NT5C2: variants seen among roughly 807,000 people sequenced by gnomAD.
The protein encoded by NT5C2 is 5'-nucleotidase, cytosolic II, also known as cytosolic purine 5'-nucleotidase.
A neutral mutation model predicts 76.1 loss-of-function variants in NT5C2; 58 were observed. The ratio of observed to expected loss-of-function variants is 0.76; its 90% CI spans 0.62 to 0.95. NT5C2 has a LOEUF of 0.95. Ranked by LOEUF, NT5C2 falls within the 40% of genes least tolerant of loss-of-function variation. The pLI is 0.00. For synonymous variants in NT5C2, 229 were observed against 237.4 expected, an observed-to-expected ratio of 0.96 and a Z score of 0.32; for missense variants, 478 against 690.3, an observed-to-expected ratio of 0.69 and a Z score of 3.45.
rs543256009 is a variant in NT5C2 at position 103,093,191 on chromosome 10, A to G, written c.1107T>C (p.Phe369=). 6.2e-7 allele frequency: 1 copy of G among 1,611,980 alleles called. No individual in the cohort carries two copies. Among genetic ancestry groups the G allele is most frequent in the African/African-American group, 1.3e-5 (1 of 74,978 alleles). Residue 369 remains phenylalanine (F), a synonymous_variant, in exon 15 of 19, where the codon TTT becomes TTC. Coordinates refer to ENST00000404739, the MANE Select transcript of NT5C2 (RefSeq NM_001351169.2). ...KSKKRQGWRT[F]LVIPELAQEL... ...CCTGTGCGAGTTCAGGAATCACCAA[A>G]AAAGTTCGCCACCCTTGCCGTTTCT...
chr10:103,163,385 C>T (rs1429467741), intron 3 of NT5C2, among the ~76,000 whole-genome samples: 1 of 152,192 alleles, frequency 6.6e-6, no homozygotes, highest in East Asian at 1.9e-4. Flanking sequence ...TGCACCCTCT[C>T]TGTTCACGAG....
At chr10:103,097,235 TTC>T (rs1471736347) in intron 11 of NT5C2, 54 bp downstream of exon 11, 4 of 1,289,554 alleles carry the variant, frequency 3.1e-6, no homozygotes, top group Non-Finnish European at 4.4e-6. Flanking sequence ...GTCTTCACAG[TTC>T]TTTAGGCCAA....
chr10:103,100,038 A>T lies in NT5C2; in HGVS notation c.540-19T>A, dbSNP rs779378806. On this transcript the variant is annotated intron_variant, in intron 8 of 18. Coordinates refer to ENST00000404739, the MANE Select transcript of NT5C2 (RefSeq NM_001351169.2). ...TTCACAACTACAGAAAGATAAAAATAACATGACAGGGGATCCAAAACAGGG... is the reference window on the plus strand; with the variant it reads ...TTCACAACTACAGAAAGATAAAAATTACATGACAGGGGATCCAAAACAGGG... 6.5e-7 allele frequency: 1 copy of T among 1,528,934 alleles called. No homozygotes were observed. The highest frequency in any genetic ancestry group is 9.1e-7 in the Non-Finnish European group (1 of 1,104,912). The allele number at this position is 1,528,934 out of a possible 1,614,324, so 94.7% of individuals were successfully genotyped here. A position where few individuals can be genotyped will look rare whatever the true frequency, so the allele number is the denominator to read the frequency against.
intron 4 of NT5C2, among the ~76,000 whole-genome samples, chr10:103,118,442 C>T (rs1353270943): frequency 1.3e-5 from 2 of 151,090 alleles, no homozygotes; most frequent in Non-Finnish European, 2.9e-5. Context: ...CTGCAACCTC[C>T]GCCTCCCAGG....
chr10:103,185,365 G>C (rs2091878756), intron 1 of NT5C2, among the ~76,000 whole-genome samples: 1 of 151,540 alleles, frequency 6.6e-6, no homozygotes, highest in Non-Finnish European at 1.5e-5. Context: ...AATACATAGG[G>C]CAAGGTGCAG....
At chr10:103,162,112 T>C (rs982857956) in intron 3 of NT5C2, among the ~76,000 whole-genome samples, 9 of 152,152 alleles carry the variant, frequency 5.9e-5, no homozygotes, top group African/African-American at 2.2e-4. Flanking sequence ...GCCTCATGGG[T>C]TCAAGTGACT....
In NT5C2 at chr10:103,093,185, C is replaced by T; in HGVS notation, c.1113G>A (p.Val371=). The change falls in exon 15 of 19, where the codon GTG becomes GTA. Residue 371 remains valine, a synonymous_variant. Coordinates refer to ENST00000404739, the MANE Select transcript of NT5C2 (RefSeq NM_001351169.2). ...GTAGCTCCTGTGCGAGTTCAGGAAT[C>T]ACCAAAAAAGTTCGCCACCCTTGCC... The part of the protein sequence containing the change: ...KKRQGWRTFL[V]IPELAQELHV... 6.2e-7 allele frequency: 1 copy of T among 1,611,744 alleles called. No individual in the cohort carries two copies. The highest frequency in any genetic ancestry group is 1.3e-5 in the African/African-American group (1 of 74,960).
chr10:103,161,334 T>C (rs1476499290), intron 3 of NT5C2, among the ~76,000 whole-genome samples: 1 of 151,978 alleles, frequency 6.6e-6, no homozygotes, highest in Non-Finnish European at 1.5e-5. Flanking sequence ...TGCACCACCA[T>C]GCCTGGCTAA....
intron 3 of NT5C2, among the ~76,000 whole-genome samples, chr10:103,156,154 C>A (rs1010565486): frequency 2.4e-4 from 37 of 151,930 alleles, no homozygotes; most frequent in African/African-American, 8.0e-4. Flanking sequence ...GAGTGAGACT[C>A]CATCTCTTGA....
intron 1 of NT5C2, among the ~76,000 whole-genome samples, chr10:103,187,838 T>C (rs1277219632): frequency 6.6e-6 from 1 of 152,168 alleles, no homozygotes; most frequent in Non-Finnish European, 1.5e-5. Flanking sequence ...ATACATGTAC[T>C]ACTCATCTTT....
chr10:103,153,817 A>T (rs974740840), intron 3 of NT5C2: 1 of 953,782 alleles, frequency 1.0e-6, no homozygotes, highest in Non-Finnish European at 1.2e-6. Flanking sequence ...CCTCCCTCAG[A>T]AAATAAACAA....
intron 3 of NT5C2, among the ~76,000 whole-genome samples, chr10:103,171,628 T>C (rs1017332480): frequency 3.3e-5 from 5 of 152,244 alleles, no homozygotes; most frequent in Admixed American, 6.5e-5. Context: ...AAATTCACTT[T>C]AGGTGTAGAT....
intron 3 of NT5C2, chr10:103,146,152 A>C: frequency 1.0e-6 from 1 of 985,400 alleles, no homozygotes; most frequent in South Asian, 4.7e-5. Flanking sequence ...CTTAACTTCA[A>C]GAAGTTTAAC....
chr10:103,149,466 CA>C (rs1397727038), intron 3 of NT5C2, among the ~76,000 whole-genome samples: 1 of 152,076 alleles, frequency 6.6e-6, no homozygotes, highest in Non-Finnish European at 1.5e-5. Flanking sequence ...GGCTGACTAC[CA>C]AATTAGAAAA....
chr10:103,125,034 C>T (rs1294411363), intron 4 of NT5C2: 6 of 228,274 alleles, frequency 2.6e-5, no homozygotes, highest in African/African-American at 4.6e-5. Context: ...AAGAATCCTA[C>T]GATTTTCCCT....
chr10:103,106,989 CT>C (rs1178545094), intron 4 of NT5C2, among the ~76,000 whole-genome samples: 2 of 151,980 alleles, frequency 1.3e-5, no homozygotes, highest in East Asian at 1.9e-4. Context: ...CTATTCCAAA[CT>C]TTTTTTTCCT....
In NT5C2 at chr10:103,181,282, CAGG is replaced by C. The variant is rs1342231864; in HGVS notation, c.-125_-123del. 2.7e-5 allele frequency: 4 copies of C among 150,504 alleles called. No individual in the cohort carries two copies. The East Asian group carries it at 7.8e-4, about 29-fold the overall frequency. 9.3% of individuals were successfully genotyped at this position (150,504 alleles called of 1,614,324 possible). ...CCGAGGCGAATGGATCACTTGACGT[CAGG>C]AGATCACATCACTGTACTCCAGCCT... On this transcript the variant is annotated 5_prime_UTR_variant, in exon 2 of 19. Transcript: ENST00000404739.
intron 4 of NT5C2, among the ~76,000 whole-genome samples, chr10:103,127,851 C>T (rs879584668): frequency 6.6e-6 from 1 of 151,762 alleles, no homozygotes; most frequent in African/African-American, 2.4e-5. Context: ...CCACCGCGCC[C>T]GGCCTACACC....
intron 3 of NT5C2, among the ~76,000 whole-genome samples, chr10:103,150,684 G>A (rs778903869): frequency 1.8e-4 from 28 of 152,190 alleles, no homozygotes; most frequent in Non-Finnish European, 2.6e-4. Context: ...CCATTTTAGT[G>A]TGTGTGCAGT....
Sources: gnomAD v4.1 joint callset for allele counts (sites outside exome capture counted in the v4.1 genomes callset) on GRCh38, gnomAD v4.1.1 for gene constraint, MANE v1.5 for transcripts, NCBI Gene and HGNC (gene_info 2026-07-23, HGNC 2026-07-21) for gene names.